The following ATP2B1 variants were observed in gnomAD, a reference collection of about 807,000 sequenced individuals.
The protein encoded by ATP2B1 is plasma membrane calcium-transporting ATPase 1.
A neutral mutation model predicts 124.2 loss-of-function variants in ATP2B1; 14 were observed. That is an observed-to-expected ratio of 0.11 (90% CI 0.07 to 0.18). The LOEUF (loss-of-function observed/expected upper bound fraction) is 0.18. Ranked by LOEUF, ATP2B1 falls within the 10% of genes least tolerant of loss-of-function variation. ATP2B1 has a pLI of 1.00. For synonymous variants in ATP2B1, 449 were observed against 492.4 expected, an observed-to-expected ratio of 0.91 and a Z score of 1.17; for missense variants, 763 against 1,466.1, an observed-to-expected ratio of 0.52 and a Z score of 7.83.
At chr12:89,616,057 A>G (rs1878901624) in intron 12 of ATP2B1, among the ~76,000 whole-genome samples, 2 of 152,172 alleles carry the variant, frequency 1.3e-5, no homozygotes, top group Non-Finnish European at 2.9e-5. Context: ...CTCATATAAC[A>G]TGCTCTGTAT....
chr12:89,630,386 ATCT>A (rs1881653448), intron 6 of ATP2B1, 116 bp downstream of exon 6: 2 of 949,584 alleles, frequency 2.1e-6, no homozygotes, highest in Non-Finnish European at 2.9e-6. Flanking sequence ...TAATAGAAAA[ATCT>A]TCTTTTAACT....
intron 3 of ATP2B1, among the ~76,000 whole-genome samples, chr12:89,639,331 C>T (rs1006145641): frequency 7.9e-5 from 12 of 151,984 alleles, no homozygotes; most frequent in African/African-American, 1.2e-4. Flanking sequence ...TGGTGAAACC[C>T]CGTGTCTACT....
chr12:89,592,393 C>G (rs543794176), intron 20 of ATP2B1, among the ~76,000 whole-genome samples: 8 of 152,094 alleles, frequency 5.3e-5, no homozygotes, highest in African/African-American at 1.7e-4. Context: ...GATGCGGTCA[C>G]CAAATTCATC....
At chr12:89,621,813 A>AT in intron 9 of ATP2B1, 22 bp from the exon 10 acceptor site, 1 of 1,520,284 alleles carries the variant, frequency 6.6e-7, no homozygotes, top group Non-Finnish European at 8.8e-7. Flanking sequence ...AAAAAAAAAA[A>AT]ACTAGTTAAG....
intron 6 of ATP2B1, among the ~76,000 whole-genome samples, chr12:89,628,124 C>G (rs895053182): frequency 6.6e-6 from 1 of 151,886 alleles, no homozygotes; most frequent in Admixed American, 6.6e-5. Flanking sequence ...AACGGGCAGT[C>G]GGGTGTGGTG....
intron 1 of ATP2B1, among the ~76,000 whole-genome samples, chr12:89,676,427 T>C (rs1314779418): frequency 6.6e-6 from 1 of 152,046 alleles, no homozygotes; most frequent in Non-Finnish European, 1.5e-5. Flanking sequence ...GAAAAATAAA[T>C]ATTTTCTCCC....
chr12:89,649,213 C>T (rs1430726144), intron 2 of ATP2B1, among the ~76,000 whole-genome samples: 2 of 152,236 alleles, frequency 1.3e-5, no homozygotes, highest in African/African-American at 2.4e-5. Context: ...GATCCTAGAA[C>T]AGTAGAGCCA....
chr12:89,602,904 T>C, intron 18 of ATP2B1, 139 bp downstream of exon 18: 1 of 725,956 alleles, frequency 1.4e-6, no homozygotes, highest in South Asian at 2.0e-5. Flanking sequence ...ACATATACCT[T>C]AAATCACCAT....
chr12:89,620,092 T>C lies in ATP2B1; in HGVS notation c.1736A>G (p.Asn579Ser), dbSNP rs147894669. ...EEALYKVYTF[N>S]SVRKSMSTVL... The stretch of plus-strand genomic sequence containing the variant: ...AGTACTCATGGACTTCCTAACAGAA[T>C]TGAAGGTGTAGACTTTGTACAGTGC... Residue 579 changes from asparagine to serine, a missense_variant, in exon 11 of 21, where the codon AAT (asparagine) becomes AGT (serine). Physicochemically the swap from Asn to Ser is conservative, Grantham distance 46. Around this residue, in one of 7 missense-constraint regions of ATP2B1, gnomAD observed 392 missense variants for 776.6 expected, o/e 0.50. Transcript: ENST00000428670. The C allele has an allele frequency of 5.6e-6, 9 of 1,614,130 alleles. No individual in the cohort carries two copies. The East Asian group carries it at 8.9e-5, about 16-fold the overall frequency.
Position 89,599,285 on chromosome 12 carries a change from A to C in ATP2B1, c.3183T>G (p.Ile1061Met), listed in dbSNP as rs1875316419. The change falls in exon 20 of 21, where the codon ATT becomes ATG. Residue 1061 changes from isoleucine to methionine, a missense_variant. By Grantham distance (10) the Ile-to-Met change is conservative. Around this residue, in one of 7 missense-constraint regions of ATP2B1, gnomAD observed 118 missense variants for 240.3 expected, o/e 0.49. Transcript: ENST00000428670. ...TGAGGAATTTTAAACGGCTAGTTGGAATTGTTGAAATAAGCTACAACACAG... is the reference window on the plus strand; with the variant it reads ...TGAGGAATTTTAAACGGCTAGTTGGCATTGTTGAAATAAGCTACAACACAG... ...TLLWGQLIST[I>M]PTSRLKFLKE... 1 of 1,613,990 alleles carries C rather than the reference A, an allele frequency of 6.2e-7. No homozygotes were observed. Among genetic ancestry groups the C allele is most frequent in the Non-Finnish European group, 8.5e-7 (1 of 1,179,962 alleles).
chr12:89,695,189 T>C (rs906095969), intron 1 of ATP2B1, among the ~76,000 whole-genome samples: 2 of 151,846 alleles, frequency 1.3e-5, no homozygotes, highest in African/African-American at 4.8e-5. Flanking sequence ...GGAAACAATA[T>C]ACCCCTATTC....
chr12:89,627,061 GCTA>G (rs1289311314), intron 7 of ATP2B1, among the ~76,000 whole-genome samples: 2 of 151,834 alleles, frequency 1.3e-5, no homozygotes, highest in Non-Finnish European at 2.9e-5. Context: ...ATGCATTTTT[GCTA>G]CTAACTATAT....
chr12:89,678,051 AT>A (rs1202057493), intron 1 of ATP2B1, among the ~76,000 whole-genome samples: 38 of 150,260 alleles, frequency 2.5e-4, no homozygotes, highest in Admixed American at 4.7e-4. Flanking sequence ...TAAAAAAAAA[AT>A]CCAAGGGTTT....
intron 1 of ATP2B1, among the ~76,000 whole-genome samples, chr12:89,659,037 G>T (rs974053871): frequency 1.3e-5 from 2 of 152,052 alleles, no homozygotes; most frequent in Admixed American, 1.3e-4. Flanking sequence ...CTAACTGGCT[G>T]GTTGACAAAA....
intron 3 of ATP2B1, among the ~76,000 whole-genome samples, chr12:89,636,401 T>G (rs977541519): frequency 2.6e-5 from 4 of 152,128 alleles, no homozygotes; most frequent in African/African-American, 9.7e-5. Context: ...ATGTATGTAG[T>G]AAGGATAAGT....
chr12:89,612,468 G>C (rs1049291715), intron 12 of ATP2B1, among the ~76,000 whole-genome samples: 1 of 151,614 alleles, frequency 6.6e-6, no homozygotes, highest in Non-Finnish European at 1.5e-5. Context: ...CCTAATGAAA[G>C]AGCTATTTAG....
At chr12:89,662,096 T>C (rs910491659) in intron 1 of ATP2B1, among the ~76,000 whole-genome samples, 2 of 152,108 alleles carry the variant, frequency 1.3e-5, no homozygotes, top group African/African-American at 4.8e-5. Context: ...TATCCATCTT[T>C]GATCTCCATA....
At chr12:89,639,180 A>C (rs2136221688) in intron 3 of ATP2B1, among the ~76,000 whole-genome samples, 1 of 152,312 alleles carries the variant, frequency 6.6e-6, no homozygotes, top group South Asian at 2.1e-4. Flanking sequence ...ACGAGACAAA[A>C]AGATACATGT....
At chr12:89,627,036 T>C (rs890194623) in intron 7 of ATP2B1, among the ~76,000 whole-genome samples, 2 of 152,208 alleles carry the variant, frequency 1.3e-5, no homozygotes, top group Admixed American at 6.5e-5. Flanking sequence ...ATTTATGCTA[T>C]ATATTTTGTT....
Sources: allele counts gnomAD v4.1 joint callset (sites outside exome capture counted in the v4.1 genomes callset), GRCh38; gene constraint gnomAD v4.1.1; regional missense constraint gnomAD v4.1.1; transcripts MANE v1.5; gene names NCBI Gene and HGNC (gene_info 2026-07-23, HGNC 2026-07-21).